Variants in GANC observed in about 807,000 individuals in gnomAD.
GANC encodes the protein neutral alpha-glucosidase C.
In GANC, 117 loss-of-function variants were observed where a neutral mutation model predicts 124.2. The ratio of observed to expected loss-of-function variants is 0.94; its 90% confidence interval spans 0.81 to 1.10. The LOEUF is 1.10. GANC is among the 50% of genes least tolerant of loss of function. The pLI, the probability that GANC is intolerant of heterozygous loss-of-function variation, is 0.00. For missense variants in GANC, 1,140 were observed against 1,095.0 expected (o/e 1.04, Z -0.58); for synonymous variants, 377 against 376.8 (o/e 1.00, Z -0.01).
Position 42,273,393 on chromosome 15 carries a change from C to T in GANC, c.-1089C>T. 6.2e-7 allele frequency: 1 copy of T among 1,614,056 alleles called. No homozygotes were observed. Among genetic ancestry groups the T allele is most frequent in the African/African-American group, 1.3e-5 (1 of 75,060 alleles). On this transcript the variant is annotated 5_prime_UTR_variant, in exon 1 of 24. Coordinates refer to ENST00000318010, the MANE Select transcript of GANC (RefSeq NM_198141.3). ...GCAACACCTGAAGCCACGCAGCCGC[C>T]GCCATCTTCACAGCCGTGGAGTGCC... is the stretch of plus-strand genomic sequence containing the variant.
At chr15:42,303,670 G>GAAAAAAAAAAA (rs150074091) in intron 6 of GANC, among the ~76,000 whole-genome samples, 3 of 128,566 alleles carry the variant, frequency 2.3e-5, no homozygotes, top group Admixed American at 1.7e-4. Context: ...TATTTACCAA[G>GAAAAAAAAAAA]AAAAAAAAAA....
Position 42,274,354 on chromosome 15 carries a change from CCCTT to C in GANC, c.-125_-122del, listed in dbSNP as rs2051629799. On this transcript the variant is annotated 5_prime_UTR_variant, in exon 1 of 24. It introduces an in-frame stop codon into an upstream open reading frame of the 5' UTR. Coordinates refer to ENST00000318010, the MANE Select transcript of GANC (RefSeq NM_198141.3). ...ACTCCATGAGAATCTGGAGGGGACT[CCCTT>C]CCCAGAAACTTGACGATGAAGTACT... is the stretch of plus-strand genomic sequence containing the variant. The C allele has an allele frequency of 1.1e-6, 1 of 933,632 alleles. No homozygotes were observed. The highest frequency in any genetic ancestry group is 1.6e-6 in the Non-Finnish European group (1 of 606,126). 57.8% of individuals were successfully genotyped at this position (933,632 alleles called of 1,614,324 possible).
intron 11 of GANC, among the ~76,000 whole-genome samples, chr15:42,323,854 G>T (rs970282504): frequency 9.2e-5 from 14 of 152,140 alleles, no homozygotes; most frequent in African/African-American, 3.1e-4. Context: ...TAATGAGTAA[G>T]CAGGGAGAGG....
intron 4 of GANC, among the ~76,000 whole-genome samples, chr15:42,292,068 G>C (rs990894665): frequency 2.6e-5 from 4 of 152,166 alleles, no homozygotes; most frequent in Non-Finnish European, 5.9e-5. Context: ...ATCTAGCTTT[G>C]AGGGATTTTA....
chr15:42,342,192 A>C (rs965824707), intron 18 of GANC, among the ~76,000 whole-genome samples: 8 of 152,196 alleles, frequency 5.3e-5, no homozygotes, highest in African/African-American at 1.9e-4. Flanking sequence ...CACTCGAAAT[A>C]AGTATTTATT....
chr15:42,310,707 G>C lies in GANC; in HGVS notation c.918G>C (p.Gln306His), dbSNP rs764397658. 6.2e-7 allele frequency: 1 copy of C among 1,611,460 alleles called. No individual in the cohort carries two copies. The highest frequency in any genetic ancestry group is 8.5e-7 in the Non-Finnish European group (1 of 1,177,658). ...TCTTTTTCCAGTACACACTGACCCAGATGGGCCCAGTTGCTGCTAAACAAA... is the reference window on the plus strand; with the variant it reads ...TCTTTTTCCAGTACACACTGACCCACATGGGCCCAGTTGCTGCTAAACAAA... ...TEPAVEYTLT[Q>H]MGPVAAKQKV... The change falls in exon 10 of 24, where the codon CAG becomes CAC. Residue 306 changes from glutamine (Q) to histidine (H), a missense_variant. By Grantham distance (24) the Gln-to-His change is conservative. Transcript: ENST00000318010.
chr15:42,291,955 G>C (rs933918614), intron 4 of GANC, among the ~76,000 whole-genome samples: 23 of 152,094 alleles, frequency 1.5e-4, no homozygotes, highest in African/African-American at 5.3e-4. Flanking sequence ...AATCCATGGA[G>C]GACTGAAAAG....
intron 10 of GANC, among the ~76,000 whole-genome samples, chr15:42,319,447 C>A (rs992133561): frequency 6.6e-6 from 1 of 152,054 alleles, no homozygotes. Context: ...TGGGCTCAAG[C>A]AATTCTTCCG....
intron 6 of GANC, among the ~76,000 whole-genome samples, chr15:42,298,153 C>T (rs1022159387): frequency 2.0e-5 from 3 of 151,908 alleles, no homozygotes; most frequent in African/African-American, 7.3e-5. Context: ...ATACACAAGT[C>T]AAAAAGTTGG....
chr15:42,326,260 A>G (rs2052197706), intron 11 of GANC, 38 bp from the exon 12 acceptor site: 1 of 1,457,554 alleles, frequency 6.9e-7, no homozygotes, highest in Non-Finnish European at 9.6e-7. Flanking sequence ...TGTCTTACAT[A>G]AAACTGATGA....
intron 10 of GANC, among the ~76,000 whole-genome samples, chr15:42,315,334 A>G (rs1340841175): frequency 6.6e-6 from 1 of 152,230 alleles, no homozygotes; most frequent in Non-Finnish European, 1.5e-5. Flanking sequence ...TGAGCAAAGG[A>G]TTTAAAGAGA....
intron 5 of GANC, among the ~76,000 whole-genome samples, chr15:42,294,574 C>CG (rs2051873298): frequency 8.4e-6 from 1 of 119,324 alleles, no homozygotes; most frequent in East Asian, 2.3e-4. Flanking sequence ...GACTCTGTCT[C>CG]AAAAAAAAAA....
Position 42,348,141 on chromosome 15 carries a change from A to G in GANC, c.2343A>G (p.Ile781Met). Residue 781 changes from isoleucine (I) to methionine (M), a missense_variant, in exon 21 of 24, where the codon ATA becomes ATG. Coordinates refer to ENST00000318010, the MANE Select transcript of GANC (RefSeq NM_198141.3). ...VFQRGGSVIPIKTTVGKSTGW... is the reference protein window; with the variant it reads ...VFQRGGSVIPMKTTVGKSTGW... Reference sequence around the variant, plus strand: ...AGCGAGGTGGAAGTGTGATACCAATAAAGACAACTGTAGGAAAATCCACAG... The same window carrying G: ...AGCGAGGTGGAAGTGTGATACCAATGAAGACAACTGTAGGAAAATCCACAG... 2 of 1,613,184 alleles carry G rather than the reference A, an allele frequency of 1.2e-6. No individual in the cohort carries two copies. The highest frequency in any genetic ancestry group is 1.1e-5 in the South Asian group (1 of 90,802).
intron 10 of GANC, chr15:42,313,851 A>C: frequency 1.8e-6 from 1 of 558,504 alleles, no homozygotes; most frequent in Non-Finnish European, 3.1e-6. Context: ...TGCTTCCTTG[A>C]ATTCAAGTAA....
In GANC at chr15:42,278,511, C is replaced by G. The variant is rs751102995; in HGVS notation, c.122C>G (p.Ser41Cys). ...CAGAAACAGTGGCTTTCCAAGAAGTCCACCTATCAGGCATTATTGGATTCA... is the reference window on the plus strand; with the variant it reads ...CAGAAACAGTGGCTTTCCAAGAAGTGCACCTATCAGGCATTATTGGATTCA... Reference protein sequence around the residue: ...RRQKQWLSKKSTYQALLDSVT... With the variant: ...RRQKQWLSKKCTYQALLDSVT... Residue 41 changes from serine (S) to cysteine (C), a missense_variant, in exon 3 of 24, where the codon TCC becomes TGC. Ser to Cys is a moderately radical substitution (Grantham distance 112). Coordinates refer to ENST00000318010, the MANE Select transcript of GANC (RefSeq NM_198141.3). 2 of 1,611,300 alleles carry G rather than the reference C, an allele frequency of 1.2e-6. No homozygotes were observed. The highest frequency in any genetic ancestry group is 2.2e-5 in the South Asian group (2 of 90,566).
chr15:42,338,655 A>G (rs1389473381), intron 16 of GANC, among the ~76,000 whole-genome samples, 165 bp downstream of exon 16: 1 of 152,212 alleles, frequency 6.6e-6, no homozygotes, highest in Non-Finnish European at 1.5e-5. Flanking sequence ...GAGGAGAGTG[A>G]AAGGCATGCC....
chr15:42,349,838 G>A lies in GANC; in HGVS notation c.2531+343G>A, dbSNP rs903191031. ...TAATTTTTGTATTTTTAGTAGAGAC[G>A]GGGTTTCACCATGTTAGCTAGGCTG... On this transcript the variant is annotated intron_variant, in intron 22 of 23. Transcript: ENST00000318010. Among the ~76,000 whole-genome samples the A allele has an allele frequency of 9.9e-5, 15 of 151,580 alleles. 2 individuals carry two copies. The South Asian group carries it at 1.9e-3, about 19-fold the overall frequency.
At chr15:42,275,349 A>T (rs1430738046) in intron 1 of GANC, among the ~76,000 whole-genome samples, 1 of 152,240 alleles carries the variant, frequency 6.6e-6, no homozygotes, top group Non-Finnish European at 1.5e-5. Flanking sequence ...ACTCCAACGT[A>T]GGAGGCAGAG....
intron 15 of GANC, 60 bp from the exon 16 acceptor site, chr15:42,338,329 T>C (rs986162003): frequency 5.3e-6 from 6 of 1,133,780 alleles, no homozygotes; most frequent in South Asian, 2.7e-5. Flanking sequence ...GGAATCTACA[T>C]AGGAAATTGA....
Sources: gnomAD v4.1 joint callset for allele counts (sites outside exome capture counted in the v4.1 genomes callset) on GRCh38, gnomAD v4.1.1 for gene constraint, MANE v1.5 for transcripts, NCBI Gene and HGNC (gene_info 2026-07-23, HGNC 2026-07-21) for gene names.